Variants in ASTN2 observed in about 807,000 individuals in gnomAD.
ASTN2 encodes astrotactin-2.
In ASTN2, 54 loss-of-function variants were observed where a neutral mutation model predicts 139.8. The ratio of observed to expected loss-of-function variants is 0.39; its 90% CI spans 0.31 to 0.48. The LOEUF is 0.48. Ranked by LOEUF, ASTN2 falls within the 20% of genes least tolerant of loss-of-function variation. The pLI is 0.95. For missense variants in ASTN2, 1,565 were observed against 1,725.1 expected, an observed-to-expected ratio of 0.91 and a Z score of 1.64; for synonymous variants, 756 against 719.5, an observed-to-expected ratio of 1.05 and a Z score of -0.81.
intron 19 of ASTN2, among the ~76,000 whole-genome samples, chr9:116,512,382 T>C (rs1458942188): frequency 3.3e-5 from 5 of 152,342 alleles, no homozygotes; most frequent in South Asian, 2.1e-4. Flanking sequence ...TGTTTTAATT[T>C]CTGTTCTTTT....
intron 10 of ASTN2, among the ~76,000 whole-genome samples, chr9:116,918,396 G>GA (rs1834512229): frequency 6.6e-6 from 1 of 152,138 alleles, no homozygotes; most frequent in African/African-American, 2.4e-5. Context: ...GAGGCTGGGG[G>GA]ATGGAGTCAG....
chr9:117,075,274 C>T (rs1828248658), intron 5 of ASTN2, among the ~76,000 whole-genome samples: 1 of 152,140 alleles, frequency 6.6e-6, no homozygotes, highest in African/African-American at 2.4e-5. Context: ...GCTCCAGCCT[C>T]CCCTAGCCCC....
chr9:117,296,558 G>A (rs1167924510), intron 1 of ASTN2, among the ~76,000 whole-genome samples: 1 of 152,016 alleles, frequency 6.6e-6, no homozygotes, highest in Non-Finnish European at 1.5e-5. Context: ...ACATTTCATT[G>A]AAGTCTCCAA....
intron 13 of ASTN2, among the ~76,000 whole-genome samples, chr9:116,755,961 A>T (rs1416552296): frequency 6.6e-6 from 1 of 152,196 alleles, no homozygotes; most frequent in African/African-American, 2.4e-5. Flanking sequence ...AAGCCCTCCT[A>T]ACACCTTGAT....
intron 1 of ASTN2, among the ~76,000 whole-genome samples, chr9:117,380,526 AC>A (rs1817152609): frequency 6.6e-6 from 1 of 150,396 alleles, no homozygotes; most frequent in Non-Finnish European, 1.5e-5. Context: ...AATCACTTGA[AC>A]CCAGGAGGTG....
At chr9:116,841,088 T>C (rs1329413226) in intron 11 of ASTN2, among the ~76,000 whole-genome samples, 2 of 152,122 alleles carry the variant, frequency 1.3e-5, no homozygotes, top group African/African-American at 2.4e-5. Flanking sequence ...CTGGGCACCA[T>C]TGAGCACTGA....
At chr9:117,094,618 C>T (rs188741792) in intron 5 of ASTN2, among the ~76,000 whole-genome samples, 1 of 152,236 alleles carries the variant, frequency 6.6e-6, no homozygotes, top group Non-Finnish European at 1.5e-5. Context: ...GAGGGAGAGG[C>T]AGATCCCATT....
intron 19 of ASTN2, among the ~76,000 whole-genome samples, chr9:116,588,271 G>A (rs1447042162): frequency 1.3e-5 from 2 of 152,114 alleles, no homozygotes; most frequent in South Asian, 2.1e-4. Flanking sequence ...ATCCAAAAAG[G>A]TCCTTCCAAA....
At chr9:116,510,254 T>G (rs1272382385) in intron 19 of ASTN2, among the ~76,000 whole-genome samples, 3 of 152,346 alleles carry the variant, frequency 2.0e-5, no homozygotes, top group African/African-American at 7.2e-5. Context: ...CACCATTTGT[T>G]AAATAGGGAA....
intron 5 of ASTN2, among the ~76,000 whole-genome samples, chr9:117,058,877 A>C (rs1215417869): frequency 6.6e-6 from 1 of 152,214 alleles, no homozygotes; most frequent in Non-Finnish European, 1.5e-5. Context: ...GGGAGAAAGG[A>C]TATTCCAATG....
intron 10 of ASTN2, among the ~76,000 whole-genome samples, chr9:116,928,672 T>C (rs1834821870): frequency 6.6e-6 from 1 of 152,054 alleles, no homozygotes; most frequent in Admixed American, 6.5e-5. Context: ...AAAGAGTTGA[T>C]TATTAGAAAA....
intron 11 of ASTN2, among the ~76,000 whole-genome samples, chr9:116,827,769 G>T (rs1313767620): frequency 6.6e-6 from 1 of 152,050 alleles, no homozygotes; most frequent in African/African-American, 2.4e-5. Flanking sequence ...AACAGAAAAA[G>T]CCAAGGACTG....
intron 11 of ASTN2, among the ~76,000 whole-genome samples, chr9:116,835,279 A>G (rs984576244): frequency 6.6e-6 from 1 of 152,120 alleles, no homozygotes; most frequent in African/African-American, 2.4e-5. Context: ...ATTGTGACTT[A>G]CTTTCCAATC....
rs922210775 is a variant in ASTN2 at position 117,346,976 on chromosome 9, T to C, written c.443-55463A>G. Among the ~76,000 whole-genome samples, 5 of 152,264 alleles carry C rather than the reference T, an allele frequency of 3.3e-5. No individual in the cohort carries two copies. In the East Asian group the frequency reaches 9.7e-4, roughly 29 times the overall value. On this transcript the variant is annotated intron_variant, in intron 1 of 22. Transcript: ENST00000313400. ...GGCTCAATACACACATTCTTTTTTG[T>C]TAATTATCATTAAATTAGTCAAGAC...
At chr9:117,194,236 C>A (rs968456538) in intron 3 of ASTN2, among the ~76,000 whole-genome samples, 1 of 152,138 alleles carries the variant, frequency 6.6e-6, no homozygotes, top group Non-Finnish European at 1.5e-5. Context: ...AAACTGAAGC[C>A]CTTGAATTAT....
chr9:117,124,298 A>G (rs950584254), intron 4 of ASTN2, among the ~76,000 whole-genome samples: 2 of 152,032 alleles, frequency 1.3e-5, no homozygotes, highest in African/African-American at 4.8e-5. Flanking sequence ...CGATTTCTAC[A>G]TACCCACCTC....
chr9:116,786,488 A>C (rs959832819), intron 13 of ASTN2, among the ~76,000 whole-genome samples: 21 of 152,066 alleles, frequency 1.4e-4, no homozygotes, highest in Non-Finnish European at 4.4e-5. Flanking sequence ...TGTCTGGTGC[A>C]GTGTGTCATT....
chr9:117,373,969 A>G (rs2130917075), intron 1 of ASTN2, among the ~76,000 whole-genome samples: 1 of 152,318 alleles, frequency 6.6e-6, no homozygotes, highest in African/African-American at 2.4e-5. Context: ...AGCAGAACAT[A>G]CGCTTAAATT....
At chr9:116,563,437 C>T (rs947055095) in intron 19 of ASTN2, among the ~76,000 whole-genome samples, 1 of 151,856 alleles carries the variant, frequency 6.6e-6, no homozygotes, top group Non-Finnish European at 1.5e-5. Context: ...AACAGAATAG[C>T]AAGGAAAGAA....
Sources: gnomAD v4.1 joint callset for allele counts (sites outside exome capture counted in the v4.1 genomes callset) on GRCh38, gnomAD v4.1.1 for gene constraint, MANE v1.5 for transcripts, NCBI Gene and HGNC (gene_info 2026-07-23, HGNC 2026-07-21) for gene names.